The following LBH variants were observed in gnomAD, a reference collection of about 807,000 sequenced individuals.
LBH encodes the protein LBH regulator of Wnt signaling pathway.
LBH carries 7 observed loss-of-function variants against 12.5 expected under a neutral mutation model. The observed-to-expected ratio is 0.56, with a 90% CI of 0.32 to 1.05. LBH has a LOEUF of 1.05. LBH is among the 50% of genes least tolerant of loss of function. The pLI is 0.04. For synonymous variants in LBH, 51 were observed against 50.1 expected (o/e 1.02, Z -0.08); for missense variants, 119 against 138.9 (o/e 0.86, Z 0.72).
intron 2 of LBH, among the ~76,000 whole-genome samples, chr2:30,245,444 C>A (rs549375773): frequency 1.3e-5 from 2 of 152,280 alleles, no homozygotes; most frequent in East Asian, 3.9e-4. Context: ...ACCATGGATA[C>A]GTACACTTTC....
Position 30,231,781 on chromosome 2 carries a change from T to C in LBH, c.26+17T>C. ...CATTCACTGGTGAGTACCCTGCGCCTGCGGCGGGCGTCTGTCTCGCGGCGG... is the reference window on the plus strand; with the variant it reads ...CATTCACTGGTGAGTACCCTGCGCCCGCGGCGGGCGTCTGTCTCGCGGCGG... On this transcript the variant is annotated intron_variant, in intron 1 of 2. Coordinates refer to ENST00000395323, the MANE Select transcript of LBH (RefSeq NM_030915.4). The C allele has an allele frequency of 1.3e-6, 2 of 1,554,530 alleles. No homozygotes were observed. Among genetic ancestry groups the C allele is most frequent in the Non-Finnish European group, 1.7e-6 (2 of 1,152,534 alleles).
intron 2 of LBH, among the ~76,000 whole-genome samples, chr2:30,235,864 T>C (rs1044171673): frequency 1.3e-5 from 2 of 152,028 alleles, no homozygotes; most frequent in African/African-American, 4.8e-5. Context: ...TGTCTTGAAA[T>C]AAGTAGCCAT....
intron 2 of LBH, 124 bp from the exon 3 acceptor site, chr2:30,257,309 G>C (rs1678102546): frequency 9.6e-7 from 1 of 1,040,188 alleles, no homozygotes; most frequent in African/African-American, 1.6e-5. Context: ...AGCCTCCCGA[G>C]TGCAAAGCAC....
chr2:30,232,140 C>G (rs1400687596), intron 1 of LBH: 2 of 1,546,006 alleles, frequency 1.3e-6, no homozygotes. Flanking sequence ...TCCCGGGCCC[C>G]TCCTCTTTTT....
intron 2 of LBH, among the ~76,000 whole-genome samples, chr2:30,239,432 C>G (rs1677748327): frequency 6.6e-6 from 1 of 152,194 alleles, no homozygotes; most frequent in Non-Finnish European, 1.5e-5. Context: ...TTACTCCCAG[C>G]TGTAGTTCCC....
intron 1 of LBH, chr2:30,232,367 C>T (rs1255612237): frequency 1.4e-5 from 15 of 1,040,262 alleles, no homozygotes; most frequent in Non-Finnish European, 2.0e-5. Context: ...TTGGTGGGGG[C>T]CGGGACTGGG....
At chr2:30,247,880 C>T (rs1339216326) in intron 2 of LBH, among the ~76,000 whole-genome samples, 2 of 152,222 alleles carry the variant, frequency 1.3e-5, no homozygotes, top group African/African-American at 2.4e-5. Context: ...TGTTAATTCT[C>T]GCCAAGGTGC....
chr2:30,239,243 G>A (rs1677744187), intron 2 of LBH, among the ~76,000 whole-genome samples: 2 of 152,154 alleles, frequency 1.3e-5, no homozygotes, highest in African/African-American at 4.8e-5. Context: ...GACCTCCTGA[G>A]CCTGGCTTCA....
intron 1 of LBH, 76 bp from the exon 2 acceptor site, chr2:30,234,329 C>G: frequency 9.0e-7 from 1 of 1,110,826 alleles, no homozygotes; most frequent in Non-Finnish European, 1.4e-6. Flanking sequence ...CCTGATCCCA[C>G]AGCAGTGAAT....
intron 1 of LBH, chr2:30,232,078 G>T: frequency 7.9e-6 from 12 of 1,522,216 alleles, no homozygotes; most frequent in South Asian, 1.2e-5. Flanking sequence ...CACCCTATGC[G>T]GAGAGCTGCA....
At chr2:30,237,623 T>C (rs1677712225) in intron 2 of LBH, among the ~76,000 whole-genome samples, 1 of 152,172 alleles carries the variant, frequency 6.6e-6, no homozygotes, top group Non-Finnish European at 1.5e-5. Context: ...CCTTAGCTTC[T>C]GGAAAGGGCC....
In LBH at chr2:30,231,570, C is replaced by T. The variant is rs1677584707; in HGVS notation, c.-169C>T. ...AGTGGAGAGCGGGGAGTTGTGTCCA[C>T]CTTGCCGACGTCGCTAGCCGTGGGG... On this transcript the variant is annotated 5_prime_UTR_variant, in exon 1 of 3. Transcript: ENST00000395323. The T allele has an allele frequency of 3.1e-6, 2 of 648,310 alleles. No individual in the cohort carries two copies. The highest frequency in any genetic ancestry group is 1.7e-5 in the South Asian group (1 of 59,784). 40.2% of individuals were successfully genotyped at this position (648,310 alleles called of 1,614,324 possible).
At chr2:30,235,717 G>A (rs891632056) in intron 2 of LBH, among the ~76,000 whole-genome samples, 1 of 151,816 alleles carries the variant, frequency 6.6e-6, no homozygotes, top group Admixed American at 6.6e-5. Context: ...CAAATAGAAA[G>A]CCAGGGAGCC....
intron 2 of LBH, among the ~76,000 whole-genome samples, chr2:30,243,990 A>G (rs4539836): frequency 0.053 from 8,094 of 152,302 alleles, 746 homozygotes; most frequent in African/African-American, 0.18. Context: ...GATGGTTTAC[A>G]AAGTTCATTT....
In LBH at chr2:30,258,859, CAAGGGCAG is replaced by C. The variant is rs1389725974; in HGVS notation, c.*1244_*1251del. On this transcript the variant is annotated 3_prime_UTR_variant, in exon 3 of 3. Transcript: ENST00000395323. ...GGCTTCTCCCCATGTTGTTCCCGGA[CAAGGGCAG>C]AAGGGAGGCATGGCAAGGGACCTCT... The C allele has an allele frequency of 6.6e-6, 1 of 152,170 alleles. No individual in the cohort carries two copies. Among genetic ancestry groups the C allele is most frequent in the Non-Finnish European group, 1.5e-5 (1 of 68,044 alleles). The allele number at this position is 152,170 out of a possible 1,614,324, so 9.4% of individuals were successfully genotyped here.
intron 1 of LBH, among the ~76,000 whole-genome samples, chr2:30,233,416 T>C (rs1000034126): frequency 6.6e-6 from 1 of 152,230 alleles, no homozygotes. Flanking sequence ...GTAGTAACCA[T>C]ACAATTGAAG....
intron 1 of LBH, chr2:30,233,194 G>A (rs757703872): frequency 6.6e-6 from 1 of 152,242 alleles, no homozygotes; most frequent in African/African-American, 2.4e-5. Context: ...TTATTTCATC[G>A]ATTAGCACTT....
intron 2 of LBH, among the ~76,000 whole-genome samples, chr2:30,246,886 G>T (rs941874843): frequency 6.9e-6 from 1 of 145,340 alleles, no homozygotes; most frequent in African/African-American, 2.5e-5. Flanking sequence ...CAGTGGCATG[G>T]TCATAGCTCA....
intron 1 of LBH, chr2:30,232,111 G>T: frequency 6.5e-7 from 1 of 1,542,854 alleles, no homozygotes; most frequent in Middle Eastern, 1.7e-4. Flanking sequence ...CCCACTTGGC[G>T]CAGGGGGGCT....
Sources: gnomAD v4.1 joint callset for allele counts (sites outside exome capture counted in the v4.1 genomes callset) on GRCh38, gnomAD v4.1.1 for gene constraint, MANE v1.5 for transcripts, NCBI Gene and HGNC (gene_info 2026-07-23, HGNC 2026-07-21) for gene names.